The following LRIG1 variants were observed in gnomAD, a reference collection of about 807,000 sequenced individuals.
LRIG1 encodes leucine-rich repeats and immunoglobulin-like domains protein 1.
LRIG1 carries 48 observed loss-of-function variants against 99.2 expected under a neutral mutation model. The ratio of observed to expected loss-of-function variants is 0.48; its 90% confidence interval spans 0.38 to 0.62. The LOEUF (loss-of-function observed/expected upper bound fraction) is 0.62, where lower values mean the gene tolerates loss of function less well. LRIG1 is among the 20% of genes least tolerant of loss of function. The pLI, the probability that LRIG1 is intolerant of heterozygous loss-of-function variation, is 0.00. For synonymous variants in LRIG1, 772 were observed against 596.1 expected, an observed-to-expected ratio of 1.29 and a Z score of -4.30; for missense variants, 1,646 against 1,434.4, an observed-to-expected ratio of 1.15 and a Z score of -2.38.
At chr3:66,457,014 C>T (rs538666197) in intron 2 of LRIG1, among the ~76,000 whole-genome samples, 163 of 152,314 alleles carry the variant, frequency 1.1e-3, no homozygotes, top group Middle Eastern at 3.4e-3. Context: ...GCACAAGCGT[C>T]CTCATGTCCT....
At chr3:66,409,336 A>G (rs539272167) in intron 7 of LRIG1, among the ~76,000 whole-genome samples, 18 of 152,370 alleles carry the variant, frequency 1.2e-4, no homozygotes, top group African/African-American at 4.3e-4. Context: ...GTCCTTAGGA[A>G]TGCTGCGTTC....
chr3:66,450,226 C>G (rs1387280067), intron 3 of LRIG1, among the ~76,000 whole-genome samples: 1 of 152,146 alleles, frequency 6.6e-6, no homozygotes, highest in Non-Finnish European at 1.5e-5. Context: ...CAGAGACTGA[C>G]TCTTAAATCC....
chr3:66,405,079 GCCAGCTC>G, intron 9 of LRIG1, 112 bp downstream of exon 9: 1 of 826,982 alleles, frequency 1.2e-6, no homozygotes, highest in Middle Eastern at 3.4e-4. Context: ...CCAAACAAAA[GCCAGCTC>G]CTCTTCCGCC....
intron 12 of LRIG1, among the ~76,000 whole-genome samples, chr3:66,391,142 A>G (rs1330846932): frequency 2.6e-5 from 4 of 152,222 alleles, no homozygotes; most frequent in Admixed American, 2.6e-4. Flanking sequence ...TACATCCAAA[A>G]TAAAAAAGAC....
intron 1 of LRIG1, among the ~76,000 whole-genome samples, chr3:66,487,192 T>C (rs927264501): frequency 6.6e-6 from 1 of 152,164 alleles, no homozygotes; most frequent in African/African-American, 2.4e-5. Flanking sequence ...TTCTGACATA[T>C]AAAATCAGAC....
chr3:66,472,322 A>AAAAAC (rs1344948990), intron 1 of LRIG1, among the ~76,000 whole-genome samples: 14 of 150,834 alleles, frequency 9.3e-5, no homozygotes, highest in Admixed American at 5.3e-4. Flanking sequence ...AAAAAAAAAA[A>AAAAAC]AAAAAAAAAA....
At chr3:66,414,410 A>G (rs1702561172) in intron 5 of LRIG1, among the ~76,000 whole-genome samples, 1 of 149,760 alleles carries the variant, frequency 6.7e-6, no homozygotes, top group South Asian at 2.1e-4. Flanking sequence ...AAATAATAAT[A>G]AATAAATAAA....
chr3:66,483,768 A>G (rs956471266), intron 1 of LRIG1, among the ~76,000 whole-genome samples: 1 of 152,236 alleles, frequency 6.6e-6, no homozygotes, highest in African/African-American at 2.4e-5. Context: ...AAAAGAGCAG[A>G]TGAGAGACCA....
chr3:66,440,220 AC>A (rs908102692), intron 3 of LRIG1, among the ~76,000 whole-genome samples: 1 of 151,904 alleles, frequency 6.6e-6, no homozygotes, highest in African/African-American at 2.4e-5. Context: ...CCCAACACTC[AC>A]CCCCTCTGCT....
intron 3 of LRIG1, among the ~76,000 whole-genome samples, chr3:66,430,317 C>G (rs1703128047): frequency 6.6e-6 from 1 of 152,140 alleles, no homozygotes; most frequent in African/African-American, 2.4e-5. Context: ...TATTTAAAAG[C>G]AAATGTCGAA....
chr3:66,472,794 A>G (rs1407577487), intron 1 of LRIG1, among the ~76,000 whole-genome samples: 3 of 152,152 alleles, frequency 2.0e-5, no homozygotes, highest in Non-Finnish European at 2.9e-5. Context: ...CATCAAAACA[A>G]AAAACCCCTT....
At chr3:66,390,113 T>C (rs895251028) in intron 12 of LRIG1, among the ~76,000 whole-genome samples, 4 of 152,142 alleles carry the variant, frequency 2.6e-5, no homozygotes, top group Admixed American at 2.6e-4. Flanking sequence ...TTAGAGCTTC[T>C]AGCCAGTGCA....
chr3:66,384,132 G>A lies in LRIG1; in HGVS notation c.1930C>T (p.Arg644Cys), dbSNP rs373807844. 1.1e-5 allele frequency: 17 copies of A among 1,614,050 alleles called. No homozygotes were observed. The highest frequency in any genetic ancestry group is 1.4e-5 in the Non-Finnish European group (16 of 1,180,042). Residue 644 changes from arginine to cysteine, a missense_variant, in exon 14 of 19, where the codon CGT (arginine) becomes TGT (cysteine). Physicochemically the swap from Arg to Cys is radical, Grantham distance 180 (BLOSUM62 -3). Transcript: ENST00000273261. Reference sequence around the variant, plus strand: ...GGCATGACATGCATGCGTCGCTCACGGGCAGCGGGGAAATCCGTGCCTCCA... The same window carrying A: ...GGCATGACATGCATGCGTCGCTCACAGGCAGCGGGGAAATCCGTGCCTCCA... ...KDGGTDFPAA[R>C]ERRMHVMPDD...
chr3:66,417,299 C>G (rs1362697217), intron 3 of LRIG1, 33 bp from the exon 4 acceptor site: 1 of 1,597,888 alleles, frequency 6.3e-7, no homozygotes, highest in Non-Finnish European at 8.6e-7. Flanking sequence ...ACTTGAGCAT[C>G]TCTTTTTGCA....
chr3:66,412,934 T>A lies in LRIG1; in HGVS notation c.728A>T (p.Gln243Leu). 1 of 1,614,208 alleles carries A rather than the reference T, an allele frequency of 6.2e-7. No individual in the cohort carries two copies. Among genetic ancestry groups the A allele is most frequent in the Non-Finnish European group, 8.5e-7 (1 of 1,180,038 alleles). Residue 243 changes from glutamine to leucine, a missense_variant, in exon 6 of 19, where the codon CAG (glutamine) becomes CTG (leucine). By Grantham distance (113) the Gln-to-Leu change is moderately radical. Coordinates refer to ENST00000273261, the MANE Select transcript of LRIG1 (RefSeq NM_015541.3). ...TGTCAGTTTGCTGATGTTGTTTCGC[T>A]GAAGCTTCAGCACCTCCAAGCTGTT... ...GLNSLEVLKL[Q>L]RNNISKLTDG...
intron 2 of LRIG1, among the ~76,000 whole-genome samples, chr3:66,453,857 C>T (rs374748021): frequency 1.3e-5 from 2 of 152,358 alleles, no homozygotes; most frequent in East Asian, 1.9e-4. Context: ...CAGGGGGCTA[C>T]GCCTGATGAG....
chr3:66,446,701 C>G (rs1012382372), intron 3 of LRIG1, among the ~76,000 whole-genome samples: 1 of 152,014 alleles, frequency 6.6e-6, no homozygotes, highest in South Asian at 2.1e-4. Flanking sequence ...CCACCATGCC[C>G]GGCCTTCCTA....
intron 12 of LRIG1, 173 bp from the exon 13 acceptor site, chr3:66,386,474 C>A: frequency 1.6e-6 from 1 of 609,006 alleles, no homozygotes; most frequent in South Asian, 1.9e-5. Context: ...CCATGGACAT[C>A]TGACCTCATC....
At chr3:66,382,521 A>G in intron 15 of LRIG1, 123 bp from the exon 16 acceptor site, 2 of 1,137,440 alleles carry the variant, frequency 1.8e-6, no homozygotes, top group Non-Finnish European at 2.6e-6. Context: ...GTGCAGAGAG[A>G]TGACATGGAG....
Sources: gnomAD v4.1 joint callset for allele counts (sites outside exome capture counted in the v4.1 genomes callset) on GRCh38, gnomAD v4.1.1 for gene constraint, MANE v1.5 for transcripts, NCBI Gene and HGNC (gene_info 2026-07-23, HGNC 2026-07-21) for gene names.